PPWD1: variants seen among roughly 807,000 people sequenced by gnomAD.
PPWD1 encodes the protein peptidylprolyl isomerase domain and WD repeat-containing protein 1.
Under a neutral mutation model 68.8 loss-of-function variants are expected in PPWD1, and 43 were observed. The ratio of observed to expected loss-of-function variants is 0.62; its 90% CI spans 0.49 to 0.81. PPWD1 has a LOEUF of 0.81. PPWD1 is among the 30% of genes least tolerant of loss of function. PPWD1 has a pLI of 0.00. For missense variants in PPWD1, 672 were observed against 804.8 expected, an observed-to-expected ratio of 0.83 and a Z score of 2.00; for synonymous variants, 232 against 258.7, an observed-to-expected ratio of 0.90 and a Z score of 0.99.
At chr5:65,569,793 A>T (rs1421527247) in intron 3 of PPWD1, 61 bp downstream of exon 3, 1 of 1,546,306 alleles carries the variant, frequency 6.5e-7, no homozygotes, top group Non-Finnish European at 8.7e-7. Context: ...TAAAGTTTAA[A>T]TTTTTTAAAT....
intron 8 of PPWD1, among the ~76,000 whole-genome samples, chr5:65,584,213 G>C (rs1753719862): frequency 6.6e-6 from 1 of 152,114 alleles, no homozygotes; most frequent in Non-Finnish European, 1.5e-5. Context: ...CTCTTGGACA[G>C]TCTCACTTTA....
chr5:65,581,976 T>C (rs913833253), intron 7 of PPWD1, among the ~76,000 whole-genome samples: 3 of 152,162 alleles, frequency 2.0e-5, no homozygotes, highest in African/African-American at 4.8e-5. Context: ...AAAGTATGAT[T>C]TTACAAATCC....
chr5:65,573,477 T>A (rs7379716), intron 5 of PPWD1, among the ~76,000 whole-genome samples: 978 of 20,002 alleles, frequency 0.049, 30 homozygotes, highest in African/African-American at 0.083. Context: ...ATATATATAT[T>A]TTTTTTTTAT....
chr5:65,573,477 T>TATATATATATATATA (rs1561725705), intron 5 of PPWD1, among the ~76,000 whole-genome samples: 6 of 20,150 alleles, frequency 3.0e-4, no homozygotes, highest in African/African-American at 4.5e-4. Flanking sequence ...ATATATATAT[T>TATATATATATATATA]TTTTTTTTAT....
chr5:65,573,471 AT>A (rs1753110140), intron 5 of PPWD1, among the ~76,000 whole-genome samples: 5 of 48,710 alleles, frequency 1.0e-4, no homozygotes, highest in African/African-American at 1.8e-4. Flanking sequence ...ATATATATAT[AT>A]ATATTTTTTT....
intron 8 of PPWD1, among the ~76,000 whole-genome samples, chr5:65,584,165 A>C (rs906358998): frequency 6.6e-6 from 1 of 152,196 alleles, no homozygotes; most frequent in East Asian, 1.9e-4. Context: ...GTTTTATACC[A>C]TATCTTGGTA....
At chr5:65,583,517 C>T (rs1451843288) in intron 8 of PPWD1, among the ~76,000 whole-genome samples, 1 of 152,166 alleles carries the variant, frequency 6.6e-6, no homozygotes. Flanking sequence ...GTTAACAGCA[C>T]ATCTGAACTC....
intron 6 of PPWD1, 44 bp downstream of exon 6, chr5:65,577,113 G>A: frequency 6.4e-7 from 1 of 1,566,134 alleles, no homozygotes; most frequent in South Asian, 1.2e-5. Flanking sequence ...TGTGTTTGTG[G>A]GGGACCATTT....
At chr5:65,583,880 A>G (rs1753706955) in intron 8 of PPWD1, among the ~76,000 whole-genome samples, 2 of 152,162 alleles carry the variant, frequency 1.3e-5, no homozygotes, top group African/African-American at 4.8e-5. Context: ...TGAGCTCAGG[A>G]GTTTGAGGCT....
Position 65,586,054 on chromosome 5 carries a change from T to C in PPWD1, c.1670T>C (p.Ile557Thr), listed in dbSNP as rs749761258. The change falls in exon 10 of 11, where the codon ATA (isoleucine) becomes ACA (threonine). Residue 557 changes from isoleucine to threonine, a missense_variant. This residue lies in a region of PPWD1 where 484 missense variants were observed against 646.2 expected (regional missense o/e 0.75). Coordinates refer to ENST00000261308, the MANE Select transcript of PPWD1 (RefSeq NM_015342.4). ...PTGTGMGGES[I>T]WGGEFEDEFH... ...GGTACTGGTATGGGAGGAGAAAGCA[T>C]ATGGGGAGGAGAATTTGAAGATGAA... 1.2e-6 allele frequency: 2 copies of C among 1,613,476 alleles called. No individual in the cohort carries two copies. The highest frequency in any genetic ancestry group is 1.7e-6 in the Non-Finnish European group (2 of 1,179,646).
intron 2 of PPWD1, chr5:65,568,879 C>G (rs1234001823): frequency 4.4e-6 from 2 of 455,136 alleles, no homozygotes; most frequent in East Asian, 1.4e-4. Context: ...TGCTGTCACT[C>G]TCTTCTCAAA....
At chr5:65,574,020 T>C (rs1753159593) in intron 5 of PPWD1, among the ~76,000 whole-genome samples, 1 of 152,194 alleles carries the variant, frequency 6.6e-6, no homozygotes, top group Non-Finnish European at 1.5e-5. Context: ...ATTGAACCTT[T>C]GTAGCAAAGT....
intron 9 of PPWD1, 135 bp from the exon 10 acceptor site, chr5:65,585,864 A>G: frequency 7.4e-7 from 1 of 1,353,734 alleles, no homozygotes; most frequent in Non-Finnish European, 9.7e-7. Context: ...TTTAAGTGTT[A>G]AGGGTTTAAT....
chr5:65,575,504 C>G (rs1753240680), intron 5 of PPWD1, among the ~76,000 whole-genome samples: 1 of 152,116 alleles, frequency 6.6e-6, no homozygotes, highest in African/African-American at 2.4e-5. Flanking sequence ...CTAACCTTAT[C>G]TAGAAAACAC....
chr5:65,576,849 GTT>G, intron 5 of PPWD1, 28 bp from the exon 6 acceptor site: 1 of 1,606,152 alleles, frequency 6.2e-7, no homozygotes. Flanking sequence ...TGTATATAGA[GTT>G]TTTGTTACTA....
Position 65,569,875 on chromosome 5 carries a change from T to C in PPWD1, c.401-3T>C. Reference sequence around the variant, plus strand: ...AATGTTTTAATTTCATTTATTGAAATAGGAGTTATTGAGAGTATTGCAGTT... The same window carrying C: ...AATGTTTTAATTTCATTTATTGAAACAGGAGTTATTGAGAGTATTGCAGTT... On this transcript the variant is annotated splice_polypyrimidine_tract_variant and splice_region_variant and intron_variant, in intron 3 of 10. Transcript: ENST00000261308. 1 of 1,590,162 alleles carries C rather than the reference T, an allele frequency of 6.3e-7. No homozygotes were observed. The highest frequency in any genetic ancestry group is 1.7e-4 in the Middle Eastern group (1 of 6,000).
chr5:65,587,226 A>C (rs1753887257), intron 10 of PPWD1, 27 bp from the exon 11 acceptor site: 3 of 1,579,660 alleles, frequency 1.9e-6, no homozygotes, highest in Non-Finnish European at 2.6e-6. Context: ...GGGTTTACCA[A>C]GATTTTCCAT....
At chr5:65,564,276 T>G (rs1752545791) in intron 1 of PPWD1, among the ~76,000 whole-genome samples, 1 of 152,132 alleles carries the variant, frequency 6.6e-6, no homozygotes, top group South Asian at 2.1e-4. Flanking sequence ...CTTTAGCACC[T>G]TCCCTTAAAA....
intron 2 of PPWD1, chr5:65,568,958 G>C: frequency 2.2e-6 from 1 of 455,728 alleles, no homozygotes; most frequent in South Asian, 1.5e-5. Flanking sequence ...TTTGTGGTGT[G>C]GTAGATTGAA....
Sources: gnomAD v4.1 joint callset for allele counts (sites outside exome capture counted in the v4.1 genomes callset) on GRCh38, gnomAD v4.1.1 for gene constraint, gnomAD v4.1.1 regional missense constraint, MANE v1.5 for transcripts, NCBI Gene and HGNC (gene_info 2026-07-23, HGNC 2026-07-21) for gene names.